Variants in FAT1 observed in about 807,000 individuals in gnomAD.
The protein encoded by FAT1 is protocadherin Fat 1.
A neutral mutation model predicts 329.8 loss-of-function variants in FAT1; 171 were observed. That is an observed-to-expected ratio of 0.52 (90% confidence interval 0.46 to 0.59). FAT1 has a LOEUF of 0.59. Among genes scored for constraint, FAT1 ranks in the 20% least tolerant of loss-of-function variants. The pLI is 0.00. For missense variants in FAT1, 5,672 were observed against 5,774.4 expected, an observed-to-expected ratio of 0.98 and a Z score of 0.57; for synonymous variants, 2,233 against 2,228.6, an observed-to-expected ratio of 1.00 and a Z score of -0.06.
At position 186,707,834 on chromosome 4, in the gene FAT1, G is replaced by T. The variant is rs1579486754; in HGVS notation, c.1994C>A (p.Ala665Asp). ...CTGCAAGTTTACCAGCTTGTGACTG[G>T]CAGCCACTGTTATGTTGATATATAA... is the stretch of plus-strand genomic sequence containing the variant. ...TPLYINITVAASHKLVNLQCE... is the reference protein window; with the variant it reads ...TPLYINITVADSHKLVNLQCE... Residue 665 changes from alanine to aspartate, a missense_variant, in exon 2 of 27, where the codon GCC becomes GAC. Around this residue, in one of 2 missense-constraint regions of FAT1, gnomAD observed 3,966 missense variants for 3,915.2 expected, o/e 1.01. Coordinates refer to ENST00000441802, the MANE Select transcript of FAT1 (RefSeq NM_005245.4). 6.2e-7 allele frequency: 1 copy of T among 1,613,612 alleles called. No individual in the cohort carries two copies.
chr4:186,670,725 G>A (rs937363407), intron 2 of FAT1, among the ~76,000 whole-genome samples: 5 of 152,104 alleles, frequency 3.3e-5, no homozygotes, highest in African/African-American at 7.2e-5. Context: ...GAATTGTTAC[G>A]TGTTTGGTTC....
At chr4:186,653,114 G>C (rs1277816368) in intron 3 of FAT1, among the ~76,000 whole-genome samples, 1 of 152,152 alleles carries the variant, frequency 6.6e-6, no homozygotes, top group Non-Finnish European at 1.5e-5. Context: ...TGTCGACACA[G>C]AATAAGAGAA....
Position 186,613,144 on chromosome 4 carries a change from A to G in FAT1, c.9428T>C (p.Leu3143Pro). ...TVFENTEPGT[L>P]LTRVQATDAD... ...ATCTGTGGCCTGCACTCTTGTCAGCAGCGTTCCCGGCTCTGTGTTTTCAAA... is the reference window on the plus strand; with the variant it reads ...ATCTGTGGCCTGCACTCTTGTCAGCGGCGTTCCCGGCTCTGTGTTTTCAAA... Residue 3143 changes from leucine to proline, a missense_variant, in exon 13 of 27, where the codon CTG becomes CCG. Transcript: ENST00000441802. 6.2e-7 allele frequency: 1 copy of G among 1,613,086 alleles called. No homozygotes were observed. Among genetic ancestry groups the G allele is most frequent in the Non-Finnish European group, 8.5e-7 (1 of 1,179,838 alleles).
At position 186,709,315 on chromosome 4, in the gene FAT1, G is replaced by A. The variant is rs745659773; in HGVS notation, c.513C>T (p.Val171=). 1.2e-6 allele frequency: 2 copies of A among 1,613,970 alleles called. No individual in the cohort carries two copies. The highest frequency in any genetic ancestry group is 8.5e-7 in the Non-Finnish European group (1 of 1,179,900). ...TTCCTATGTCTGCATCCGTGGCGCT[G>A]ACTCTTGCGATACTGGTCCTTATAG... The part of the protein sequence containing the change: ...NTAIRTSIAR[V]SATDADIGTN... The change falls in exon 2 of 27, where the codon GTC becomes GTT. Residue 171 remains valine, a synonymous_variant. Transcript: ENST00000441802.
chr4:186,617,178 C>T lies in FAT1; in HGVS notation c.8902G>A (p.Ala2968Thr). The change falls in exon 11 of 27, where the codon GCC (alanine) becomes ACC (threonine). Residue 2968 changes from alanine to threonine, a missense_variant. Physicochemically the swap from Ala to Thr is moderately conservative, Grantham distance 58 (BLOSUM62 0). Around this residue, in one of 2 missense-constraint regions of FAT1, gnomAD observed 3,966 missense variants for 3,915.2 expected, o/e 1.01. Coordinates refer to ENST00000441802, the MANE Select transcript of FAT1 (RefSeq NM_005245.4). ...ITGGDPLGQFAVETIQNEWKV... is the reference protein window; with the variant it reads ...ITGGDPLGQFTVETIQNEWKV... ...CATTCATTCTGTATAGTTTCAACGG[C>T]AAACTGTCCTAAAGGATCCCCTCCT... The T allele has an allele frequency of 1.2e-6, 2 of 1,608,040 alleles. No individual in the cohort carries two copies. Among genetic ancestry groups the T allele is most frequent in the South Asian group, 2.2e-5 (2 of 89,748 alleles).
Position 186,618,485 on chromosome 4 carries a change from G to C in FAT1, c.8101C>G (p.Pro2701Ala), listed in dbSNP as rs2126495849. 1 of 1,614,018 alleles carries C rather than the reference G, an allele frequency of 6.2e-7. No homozygotes were observed. Among genetic ancestry groups the C allele is most frequent in the Non-Finnish European group, 8.5e-7 (1 of 1,179,898 alleles). The change falls in exon 10 of 27, where the codon CCA (proline) becomes GCA (alanine). Residue 2701 changes from proline (P) to alanine (A), a missense_variant. Around this residue, in one of 2 missense-constraint regions of FAT1, gnomAD observed 3,966 missense variants for 3,915.2 expected, o/e 1.01. Coordinates refer to ENST00000441802, the MANE Select transcript of FAT1 (RefSeq NM_005245.4). Reference sequence around the variant, plus strand: ...GTATAGAAAGGTTCTGAAAATTTTGGAAGCTGCATTTCCGGTGGAAGGATT... The same window carrying C: ...GTATAGAAAGGTTCTGAAAATTTTGCAAGCTGCATTTCCGGTGGAAGGATT... ...VKILPPEMQL[P>A]KFSEPFYTFT...
intron 17 of FAT1, among the ~76,000 whole-genome samples, chr4:186,604,952 C>T (rs564554793): frequency 7.2e-5 from 11 of 151,824 alleles, no homozygotes; most frequent in Non-Finnish European, 1.2e-4. Flanking sequence ...GGCGCGGTGG[C>T]TCACGCCTGT....
chr4:186,689,062 G>T (rs951528932), intron 2 of FAT1, among the ~76,000 whole-genome samples: 1 of 152,138 alleles, frequency 6.6e-6, no homozygotes, highest in Non-Finnish European at 1.5e-5. Flanking sequence ...TGAAAAGCAT[G>T]GGTTTTGAAT....
rs567534936 is a variant in FAT1, at chr4:186,619,128, A to T, written c.7458T>A (p.Asn2486Lys). The T allele has an allele frequency of 5.6e-6, 9 of 1,613,974 alleles. No homozygotes were observed. In the African/African-American group the frequency reaches 1.1e-4, roughly 19 times the overall value. Residue 2486 changes from asparagine (N) to lysine (K), a missense_variant, in exon 10 of 27, where the codon AAT (asparagine) becomes AAA (lysine). Around this residue, in one of 2 missense-constraint regions of FAT1, gnomAD observed 3,966 missense variants for 3,915.2 expected, o/e 1.01. Transcript: ENST00000441802. ...TCTGAAGGAAAGCAGGACTGTGCAA[A>T]TTGCCTCCAATTACAGTTACATGAA... ...TQVHVTVIGG[N>K]LHSPAFLQNE...
chr4:186,662,968 C>T (rs1038461725), intron 3 of FAT1, among the ~76,000 whole-genome samples: 1 of 152,088 alleles, frequency 6.6e-6, no homozygotes, highest in Non-Finnish European at 1.5e-5. Flanking sequence ...TCTGGAGTAG[C>T]TGGGACTACA....
rs1043486641 is a variant in FAT1, at chr4:186,632,804, C to T, written c.4323+880G>A. Among the ~76,000 whole-genome samples the T allele has an allele frequency of 2.6e-5, 4 of 152,286 alleles. No homozygotes were observed. The South Asian group carries it at 6.2e-4, about 24-fold the overall frequency. On this transcript the variant is annotated intron_variant, in intron 7 of 26. Transcript: ENST00000441802. ...TAGTACTTAAAACAGGATAATCTAA[C>T]GCTAGAAAATTTCAAACTCAGATGC...
rs2126401328 is a variant in FAT1 at position 186,597,959 on chromosome 4, A to T, written c.12257+13T>A. On this transcript the variant is annotated intron_variant, in intron 23 of 26. Coordinates refer to ENST00000441802, the MANE Select transcript of FAT1 (RefSeq NM_005245.4). The stretch of plus-strand genomic sequence containing the variant: ...CTACAATTGATTATGAAAGTTAAGA[A>T]AAATACACATACCTCTGACCAGTAT... The T allele has an allele frequency of 6.3e-7, 1 of 1,592,336 alleles. No individual in the cohort carries two copies. Among genetic ancestry groups the T allele is most frequent in the Non-Finnish European group, 8.5e-7 (1 of 1,172,004 alleles).
In FAT1 at chr4:186,661,728, T is replaced by C. The variant is rs190592351; in HGVS notation, c.3580+1571A>G. On this transcript the variant is annotated intron_variant, in intron 3 of 26. Coordinates refer to ENST00000441802, the MANE Select transcript of FAT1 (RefSeq NM_005245.4). The stretch of plus-strand genomic sequence containing the variant: ...GGTTCTGTGAGCCGCTCCAATAAAG[T>C]AACAGAACCCAAAGAGAGGTCATGG... 1.7e-3 allele frequency among the ~76,000 whole-genome samples: 255 copies of C among 152,238 alleles called. 3 individuals are homozygous for C. Among genetic ancestry groups the C allele is most frequent in the Non-Finnish European group, 1.8e-4 (12 of 68,016 alleles).
intron 2 of FAT1, among the ~76,000 whole-genome samples, chr4:186,698,843 A>G (rs1464310439): frequency 6.6e-6 from 1 of 151,860 alleles, no homozygotes; most frequent in Admixed American, 6.5e-5. Flanking sequence ...CCTCAGCTCA[A>G]GAATCACGTC....
chr4:186,709,107 C>A lies in FAT1; in HGVS notation c.721G>T (p.Ala241Ser), dbSNP rs1744811135. The change falls in exon 2 of 27, where the codon GCC becomes TCC. Residue 241 changes from alanine (A) to serine (S), a missense_variant. By Grantham distance (99) the Ala-to-Ser change is moderately conservative. Coordinates refer to ENST00000441802, the MANE Select transcript of FAT1 (RefSeq NM_005245.4). ...LYGSSGISSM[A>S]KLTVHIEQAN... ...TGTTCGATGTGCACCGTTAGCTTGG[C>A]CATGCTGCTGATGCCACTGCTCCCA... is the stretch of plus-strand genomic sequence containing the variant. The A allele has an allele frequency of 6.2e-7, 1 of 1,613,754 alleles. No homozygotes were observed. Among genetic ancestry groups the A allele is most frequent in the Non-Finnish European group, 8.5e-7 (1 of 1,179,678 alleles).
Position 186,709,852 on chromosome 4 carries a change from C to G in FAT1, c.-18-7G>C, listed in dbSNP as rs890957381. On this transcript the variant is annotated splice_polypyrimidine_tract_variant and splice_region_variant and intron_variant, in intron 1 of 26. Coordinates refer to ENST00000441802, the MANE Select transcript of FAT1 (RefSeq NM_005245.4). Reference sequence around the variant, plus strand: ...TTGCTTAACTGTCGGGAATCTGAAACAGAAGAAATCAGAATCGTTACCTTG... The same window carrying G: ...TTGCTTAACTGTCGGGAATCTGAAAGAGAAGAAATCAGAATCGTTACCTTG... 1.3e-6 allele frequency: 2 copies of G among 1,563,850 alleles called. No individual in the cohort carries two copies. The highest frequency in any genetic ancestry group is 8.7e-7 in the Non-Finnish European group (1 of 1,150,964).
chr4:186,606,100 G>T lies in FAT1; in HGVS notation c.10320C>A (p.Phe3440Leu). The T allele has an allele frequency of 6.2e-7, 1 of 1,613,286 alleles. No individual in the cohort carries two copies. The highest frequency in any genetic ancestry group is 1.1e-5 in the South Asian group (1 of 90,940). ...VSDVNDNAPVFSRGNYSVIIQ... is the reference protein window; with the variant it reads ...VSDVNDNAPVLSRGNYSVIIQ... ...TAATGACACTGTAGTTTCCCCTGGA[G>T]AAGACGGGCGCGTTGTCATTGACAT... Residue 3440 changes from phenylalanine to leucine, a missense_variant, in exon 17 of 27, where the codon TTC becomes TTA. This residue lies in a region of FAT1 where 1,706 missense variants were observed against 1,859.1 expected (regional missense o/e 0.92). Coordinates refer to ENST00000441802, the MANE Select transcript of FAT1 (RefSeq NM_005245.4).
At chr4:186,657,370 A>C (rs2126606029) in intron 3 of FAT1, among the ~76,000 whole-genome samples, 1 of 152,358 alleles carries the variant, frequency 6.6e-6, no homozygotes, top group African/African-American at 2.4e-5. Flanking sequence ...GCGAAGTATA[A>C]GAAGCCTTAC....
At chr4:186,637,028 G>A (rs969165113) in intron 4 of FAT1, 114 bp from the exon 5 acceptor site, 8 of 906,432 alleles carry the variant, frequency 8.8e-6, no homozygotes, top group African/African-American at 5.9e-5. Flanking sequence ...TGCAGGGCAC[G>A]ATGACAACAT....
Sources: allele counts gnomAD v4.1 joint callset (sites outside exome capture counted in the v4.1 genomes callset), GRCh38; gene constraint gnomAD v4.1.1; regional missense constraint gnomAD v4.1.1; transcripts MANE v1.5; gene names NCBI Gene and HGNC (gene_info 2026-07-23, HGNC 2026-07-21).